The following BMPR1A variants were observed in gnomAD, a reference collection of about 807,000 sequenced individuals.
BMPR1A encodes the protein bone morphogenetic protein receptor type 1A, also known as bone morphogenetic protein receptor type-1A.
A neutral mutation model predicts 66.0 loss-of-function variants in BMPR1A; 7 were observed. That is an observed-to-expected ratio of 0.11 (90% CI 0.06 to 0.20). The LOEUF (loss-of-function observed/expected upper bound fraction) is 0.20, where lower values mean the gene tolerates loss of function less well. Among genes scored for constraint, BMPR1A ranks in the 10% least tolerant of loss-of-function variants. The probability of loss-of-function intolerance (pLI) is 1.00; values close to 1 mark genes in which losing one functional copy is unlikely to be tolerated. For synonymous variants in BMPR1A, 200 were observed against 229.7 expected, an observed-to-expected ratio of 0.87 and a Z score of 1.17; for missense variants, 408 against 669.1, an observed-to-expected ratio of 0.61 and a Z score of 4.31.
At chr10:86,872,675 A>C (rs1333171918) in intron 2 of BMPR1A, among the ~76,000 whole-genome samples, 1 of 152,106 alleles carries the variant, frequency 6.6e-6, no homozygotes, top group Non-Finnish European at 1.5e-5. Context: ...TTTAAAAATT[A>C]TTTTAAATAT....
intron 7 of BMPR1A, among the ~76,000 whole-genome samples, chr10:86,906,762 A>AAAAAAAAAAAAAAAAAAAC (rs1564720215): frequency 7.0e-6 from 1 of 143,468 alleles, no homozygotes; most frequent in Admixed American, 7.3e-5. Context: ...AAAAAAAAAA[A>AAAAAAAAAAAAAAAAAAAC]CACTTTGTCC....
intron 1 of BMPR1A, among the ~76,000 whole-genome samples, chr10:86,825,030 T>A (rs1842173314): frequency 6.6e-6 from 1 of 152,112 alleles, no homozygotes; most frequent in Non-Finnish European, 1.5e-5. Context: ...CATTTAGAAA[T>A]GTAATTTTCT....
chr10:86,826,683 T>A (rs1421605820), intron 1 of BMPR1A, among the ~76,000 whole-genome samples: 3 of 150,968 alleles, frequency 2.0e-5, no homozygotes, highest in African/African-American at 7.4e-5. Flanking sequence ...GGAGAAGTAA[T>A]TTTTTTTACA....
chr10:86,924,415 A>G lies in BMPR1A; in HGVS notation c.*696A>G, dbSNP rs1418201862. ...AAGCCATTTACTTTGCAAGTGAGAT[A>G]GCTTCCCCACCAGCTTTATTTTTTA... On this transcript the variant is annotated 3_prime_UTR_variant, in exon 13 of 13. Coordinates refer to ENST00000372037, the MANE Select transcript of BMPR1A (RefSeq NM_004329.3). 7 of 233,726 alleles carry G rather than the reference A, an allele frequency of 3.0e-5. No individual in the cohort carries two copies. Among genetic ancestry groups the G allele is most frequent in the African/African-American group, 1.3e-4 (6 of 45,366 alleles). 14.5% of individuals were successfully genotyped at this position (233,726 alleles called of 1,614,324 possible).
chr10:86,804,205 A>AT (rs772882000), intron 1 of BMPR1A, among the ~76,000 whole-genome samples: 1 of 152,106 alleles, frequency 6.6e-6, no homozygotes, highest in Non-Finnish European at 1.5e-5. Flanking sequence ...ATTGGGACTT[A>AT]GTAATATATG....
At chr10:86,872,702 C>T (rs564881015) in intron 2 of BMPR1A, among the ~76,000 whole-genome samples, 33 of 151,988 alleles carry the variant, frequency 2.2e-4, no homozygotes, top group African/African-American at 7.7e-4. Context: ...GCTGTTATCT[C>T]ATTTGGTTCT....
intron 1 of BMPR1A, among the ~76,000 whole-genome samples, chr10:86,829,734 T>C (rs1223402803): frequency 2.0e-5 from 3 of 152,226 alleles, no homozygotes; most frequent in Non-Finnish European, 4.4e-5. Context: ...TCTATCCAAG[T>C]TGTGTGAATC....
At chr10:86,775,236 A>G (rs1841327402) in intron 1 of BMPR1A, among the ~76,000 whole-genome samples, 1 of 152,262 alleles carries the variant, frequency 6.6e-6, no homozygotes, top group Non-Finnish European at 1.5e-5. Context: ...GAGGAAATCC[A>G]TACATAGGTT....
At chr10:86,759,010 TAA>T (rs1840983342) in intron 1 of BMPR1A, among the ~76,000 whole-genome samples, 1 of 152,200 alleles carries the variant, frequency 6.6e-6, no homozygotes, top group Non-Finnish European at 1.5e-5. Context: ...TATTGAAAAA[TAA>T]AGTCTCTAGT....
At chr10:86,791,734 C>CCTTCCT (rs1841628159) in intron 1 of BMPR1A, among the ~76,000 whole-genome samples, 1 of 64,142 alleles carries the variant, frequency 1.6e-5, no homozygotes. Context: ...CCTTCCTTCC[C>CCTTCCT]TCCCTCCCTC....
chr10:86,775,995 C>A (rs1311712301), intron 1 of BMPR1A, among the ~76,000 whole-genome samples: 1 of 152,188 alleles, frequency 6.6e-6, no homozygotes, highest in African/African-American at 2.4e-5. Context: ...TCTCCCACTG[C>A]TCTCCAACTC....
intron 2 of BMPR1A, among the ~76,000 whole-genome samples, chr10:86,854,158 CT>C (rs1213017530): frequency 6.6e-6 from 1 of 152,198 alleles, no homozygotes; most frequent in East Asian, 1.9e-4. Context: ...CTCCTATTTG[CT>C]TTTGAAAGAA....
intron 2 of BMPR1A, chr10:86,843,407 A>G (rs543330181): frequency 3.3e-5 from 5 of 152,184 alleles, no homozygotes; most frequent in Admixed American, 6.5e-5. Flanking sequence ...ATTCTACAGG[A>G]TATTACTTTT....
In BMPR1A at chr10:86,925,969, C is replaced by T; in HGVS notation, c.*2250C>T. The T allele has an allele frequency of 5.9e-6, 1 of 169,264 alleles. No individual in the cohort carries two copies. Among genetic ancestry groups the T allele is most frequent in the Non-Finnish European group, 1.3e-5 (1 of 77,858 alleles). The allele number at this position is 169,264 out of a possible 1,614,324, so 10.5% of individuals were successfully genotyped here. On this transcript the variant is annotated 3_prime_UTR_variant, in exon 13 of 13. Transcript: ENST00000372037. ...GTCTCAATCTCCTGACCTCATGATC[C>T]ACCTGCCTCGGCCTCCCAAAGTTCA...
chr10:86,791,905 A>T (rs1157633577), intron 1 of BMPR1A, among the ~76,000 whole-genome samples: 1 of 138,312 alleles, frequency 7.2e-6, no homozygotes, highest in South Asian at 2.4e-4. Context: ...TTTGCTAGAG[A>T]TGGGGGTTTC....
Position 86,912,150 on chromosome 10 carries a change from A to G in BMPR1A, c.531-90A>G, listed in dbSNP as rs573294215. On this transcript the variant is annotated intron_variant, in intron 7 of 12. Transcript: ENST00000372037. ...ATTTGGATAGGATTCTTTCTGAGGG[A>G]AGGATAATGGTATAGAGAACCTCAA... The G allele has an allele frequency of 1.8e-5, 24 of 1,369,070 alleles. No individual in the cohort carries two copies. In the East Asian group the frequency reaches 5.7e-4, roughly 33 times the overall value. 84.8% of individuals were successfully genotyped at this position (1,369,070 alleles called of 1,614,324 possible). A position where few individuals can be genotyped will look rare whatever the true frequency, so the allele number is the denominator to read the frequency against.
At position 86,923,242 on chromosome 10, in the gene BMPR1A, T is replaced by TGTATATA. The variant is rs370827935; in HGVS notation, c.1343-133_1343-132insTATATAG. The stretch of plus-strand genomic sequence containing the variant: ...AAAAACATACATCTACTATTAAGAG[T>TGTATATA]GAATCATAGTGTCTATATTTTTTCT... On this transcript the variant is annotated intron_variant, in intron 11 of 12. Transcript: ENST00000372037. 177,185 of 1,201,156 alleles carry TGTATATA rather than the reference T, an allele frequency of 0.15. 20,031 individuals carry two copies. Among genetic ancestry groups the TGTATATA allele is most frequent in the East Asian group, 0.67 (26,528 of 39,468 alleles). The allele number at this position is 1,201,156 out of a possible 1,614,324, so 74.4% of individuals were successfully genotyped here. A position where few individuals can be genotyped will look rare whatever the true frequency, so the allele number is the denominator to read the frequency against.
At chr10:86,879,219 A>G (rs1021622454) in intron 3 of BMPR1A, among the ~76,000 whole-genome samples, 9 of 152,186 alleles carry the variant, frequency 5.9e-5, no homozygotes, top group African/African-American at 2.2e-4. Context: ...TCACATGCAG[A>G]TGAGGTAAGC....
chr10:86,910,397 A>G (rs571141870), intron 7 of BMPR1A, among the ~76,000 whole-genome samples: 37 of 152,330 alleles, frequency 2.4e-4, no homozygotes, highest in African/African-American at 8.2e-4. Flanking sequence ...TAGCAGCTAT[A>G]CAGTGGAATA....
Sources: allele counts gnomAD v4.1 joint callset (sites outside exome capture counted in the v4.1 genomes callset), GRCh38; gene constraint gnomAD v4.1.1; transcripts MANE v1.5; gene names NCBI Gene and HGNC (gene_info 2026-07-23, HGNC 2026-07-21).